Variants in CTNNA3 observed in about 807,000 individuals in gnomAD.
CTNNA3 encodes the protein catenin alpha-3.
Under a neutral mutation model 95.7 loss-of-function variants are expected in CTNNA3, and 76 were observed. The observed-to-expected ratio is 0.79, with a 90% CI of 0.66 to 0.96. CTNNA3 has a LOEUF of 0.96. Ranked by LOEUF, CTNNA3 falls within the 40% of genes least tolerant of loss-of-function variation. The pLI is 0.00. For missense variants in CTNNA3, 1,191 were observed against 1,089.8 expected, an observed-to-expected ratio of 1.09 and a Z score of -1.31; for synonymous variants, 431 against 374.4, an observed-to-expected ratio of 1.15 and a Z score of -1.74.
At chr10:66,182,685 TAAC>T (rs1564738077) in intron 13 of CTNNA3, among the ~76,000 whole-genome samples, 1 of 152,126 alleles carries the variant, frequency 6.6e-6, no homozygotes, top group Non-Finnish European at 1.5e-5. Context: ...GTCTACTTTT[TAAC>T]AACATGGCCA....
intron 11 of CTNNA3, among the ~76,000 whole-genome samples, chr10:66,500,988 C>T (rs992643154): frequency 6.6e-6 from 1 of 152,042 alleles, no homozygotes; most frequent in Non-Finnish European, 1.5e-5. Context: ...GCAGTTACTG[C>T]CCTAATGCGA....
chr10:66,607,544 G>A (rs1179026227), intron 10 of CTNNA3, among the ~76,000 whole-genome samples: 2 of 148,630 alleles, frequency 1.3e-5, no homozygotes, highest in South Asian at 2.1e-4. Context: ...TGAATTTTGA[G>A]GTAGAAATCC....
At chr10:67,111,956 T>C (rs1858929948) in intron 7 of CTNNA3, among the ~76,000 whole-genome samples, 2 of 152,098 alleles carry the variant, frequency 1.3e-5, no homozygotes, top group Non-Finnish European at 2.9e-5. Context: ...TAACAAATTA[T>C]GTACAAGTCA....
chr10:67,010,739 C>A (rs1224734432), intron 7 of CTNNA3, among the ~76,000 whole-genome samples: 1 of 152,164 alleles, frequency 6.6e-6, no homozygotes, highest in African/African-American at 2.4e-5. Flanking sequence ...CTCAGCCAAC[C>A]AACAATGTTT....
intron 1 of CTNNA3, among the ~76,000 whole-genome samples, chr10:67,692,048 G>C (rs1455924563): frequency 6.1e-4 from 76 of 123,806 alleles, no homozygotes; most frequent in African/African-American, 2.3e-3. Context: ...CCGGCCAGCC[G>C]CCCCGTCCGG....
intron 13 of CTNNA3, among the ~76,000 whole-genome samples, chr10:66,108,589 A>T (rs1449164715): frequency 1.3e-5 from 2 of 151,992 alleles, no homozygotes; most frequent in Admixed American, 6.6e-5. Flanking sequence ...ACCTAAAATT[A>T]TATTTTCTCT....
intron 10 of CTNNA3, among the ~76,000 whole-genome samples, chr10:66,560,064 G>A (rs1191052124): frequency 1.3e-5 from 2 of 152,054 alleles, no homozygotes; most frequent in East Asian, 3.9e-4. Flanking sequence ...CTCAGAAATG[G>A]TGGTTAGAGA....
intron 11 of CTNNA3, among the ~76,000 whole-genome samples, chr10:66,434,761 G>A (rs1053623583): frequency 1.3e-5 from 2 of 152,178 alleles, no homozygotes; most frequent in Non-Finnish European, 2.9e-5. Context: ...TACCCATTCA[G>A]TATAATATTG....
rs143796276 is a variant in CTNNA3, at chr10:66,950,524, T to C, written c.1048-175000A>G. Among the ~76,000 whole-genome samples, 38 of 152,202 alleles carry C rather than the reference T, an allele frequency of 2.5e-4. No homozygotes were observed. In the East Asian group the frequency reaches 6.9e-3, roughly 28 times the overall value. On this transcript the variant is annotated intron_variant, in intron 7 of 17. Transcript: ENST00000433211. ...ACAAAAGATCCTTATTTCCCTATCT[T>C]TGTCAAAATATGTATGATATTTGAG... is the stretch of plus-strand genomic sequence containing the variant.
At chr10:67,065,504 C>A (rs1267865267) in intron 7 of CTNNA3, among the ~76,000 whole-genome samples, 1 of 152,116 alleles carries the variant, frequency 6.6e-6, no homozygotes, top group African/African-American at 2.4e-5. Flanking sequence ...TAGCTTCCCA[C>A]CACATCTGTT....
rs1271867901 is a variant in CTNNA3, at chr10:67,351,632, A to C, written c.580-131762T>G. Among the ~76,000 whole-genome samples, 4 of 152,020 alleles carry C rather than the reference A, an allele frequency of 2.6e-5. No individual in the cohort carries two copies. In the East Asian group the frequency reaches 7.7e-4, roughly 29 times the overall value. ...AGCTGTAAAATGTTTATAGATTTTT[A>C]TACCTTTCATGAATAAAGCAGAGTA... On this transcript the variant is annotated intron_variant, in intron 5 of 17. Coordinates refer to ENST00000433211, the MANE Select transcript of CTNNA3 (RefSeq NM_013266.4).
chr10:66,377,117 G>A (rs1394638200), intron 12 of CTNNA3, among the ~76,000 whole-genome samples: 1 of 152,014 alleles, frequency 6.6e-6, no homozygotes, highest in African/African-American at 2.4e-5. Flanking sequence ...GAATAGTTTG[G>A]AATTAGACAT....
At chr10:66,978,552 A>AAAAAAAT in intron 7 of CTNNA3, among the ~76,000 whole-genome samples, 8 of 37,886 alleles carry the variant, frequency 2.1e-4, no homozygotes, top group African/African-American at 4.3e-4. Context: ...AAAAAAAAAA[A>AAAAAAAT]ATATATATAT....
intron 9 of CTNNA3, among the ~76,000 whole-genome samples, chr10:66,631,226 G>A (rs1049243092): frequency 6.6e-6 from 1 of 152,094 alleles, no homozygotes; most frequent in African/African-American, 2.4e-5. Context: ...TATAAGATGA[G>A]GAACAGATTG....
chr10:66,544,539 A>C (rs1031740031), intron 10 of CTNNA3, among the ~76,000 whole-genome samples: 1 of 152,060 alleles, frequency 6.6e-6, no homozygotes, highest in African/African-American at 2.4e-5. Context: ...AAATATAAGA[A>C]ATTTCTGTGT....
At chr10:66,893,919 T>C (rs1845374000) in intron 7 of CTNNA3, among the ~76,000 whole-genome samples, 1 of 152,136 alleles carries the variant, frequency 6.6e-6, no homozygotes, top group Non-Finnish European at 1.5e-5. Flanking sequence ...ATCCTTATGT[T>C]TTTTGTATCT....
intron 5 of CTNNA3, among the ~76,000 whole-genome samples, chr10:67,473,290 G>A (rs1847892701): frequency 6.6e-6 from 1 of 151,944 alleles, no homozygotes; most frequent in African/African-American, 2.4e-5. Context: ...ACACTCTCAG[G>A]ACACCTCTCA....
intron 15 of CTNNA3, among the ~76,000 whole-genome samples, chr10:66,024,965 C>T (rs2079306372): frequency 6.6e-6 from 1 of 152,152 alleles, no homozygotes; most frequent in African/African-American, 2.4e-5. Context: ...TGAAAACATT[C>T]CCAACATGAA....
intron 1 of CTNNA3, among the ~76,000 whole-genome samples, chr10:67,742,387 G>C (rs370164803): frequency 6.6e-6 from 1 of 151,000 alleles, no homozygotes; most frequent in Admixed American, 6.6e-5. Flanking sequence ...TGAACAACCC[G>C]CTCCTGAATG....
Sources: gnomAD v4.1 joint callset for allele counts (sites outside exome capture counted in the v4.1 genomes callset) on GRCh38, gnomAD v4.1.1 for gene constraint, MANE v1.5 for transcripts, NCBI Gene and HGNC (gene_info 2026-07-23, HGNC 2026-07-21) for gene names.